PLCB4: variants seen among roughly 807,000 people sequenced by gnomAD.
PLCB4 encodes the protein 1-phosphatidylinositol 4,5-bisphosphate phosphodiesterase beta-4.
PLCB4 carries 77 observed loss-of-function variants against 178.8 expected under a neutral mutation model. That is an observed-to-expected ratio of 0.43 (90% CI 0.36 to 0.52). PLCB4 has a LOEUF of 0.52. PLCB4 is among the 20% of genes least tolerant of loss of function. The probability of loss-of-function intolerance (pLI) is 0.00; values close to 1 mark genes in which losing one functional copy is unlikely to be tolerated. For synonymous variants in PLCB4, 496 were observed against 490.8 expected, an observed-to-expected ratio of 1.01 and a Z score of -0.14; for missense variants, 1,024 against 1,453.4, an observed-to-expected ratio of 0.70 and a Z score of 4.80.
At chr20:9,132,302 G>T (rs907890937) in intron 2 of PLCB4, among the ~76,000 whole-genome samples, 3 of 152,154 alleles carry the variant, frequency 2.0e-5, no homozygotes, top group Admixed American at 2.0e-4. Context: ...GTGTGTGTGT[G>T]TGTGTGGTTG....
chr20:9,070,571 T>A (rs1229350423), intron 1 of PLCB4, among the ~76,000 whole-genome samples: 1 of 152,206 alleles, frequency 6.6e-6, no homozygotes, highest in Non-Finnish European at 1.5e-5. Flanking sequence ...GGTGTATTGA[T>A]CTATTATATC....
chr20:9,448,961 C>A (rs1404170921), intron 32 of PLCB4, among the ~76,000 whole-genome samples: 2 of 152,012 alleles, frequency 1.3e-5, no homozygotes, highest in Non-Finnish European at 2.9e-5. Flanking sequence ...ATGGGGGTAA[C>A]GACCATTTGC....
intron 2 of PLCB4, among the ~76,000 whole-genome samples, chr20:9,204,843 G>A (rs560308873): frequency 6.6e-6 from 1 of 151,818 alleles, no homozygotes; most frequent in Admixed American, 6.6e-5. Flanking sequence ...TGAAATGGGG[G>A]TAATTTGAAT....
chr20:9,446,417 C>T (rs886891067), intron 32 of PLCB4, among the ~76,000 whole-genome samples: 1 of 152,204 alleles, frequency 6.6e-6, no homozygotes, highest in African/African-American at 2.4e-5. Flanking sequence ...TGCTGATTAT[C>T]AGGACTGTGA....
intron 3 of PLCB4, among the ~76,000 whole-genome samples, chr20:9,256,016 AGT>A (rs2094231295): frequency 6.6e-6 from 1 of 152,144 alleles, no homozygotes; most frequent in African/African-American, 2.4e-5. Context: ...AGGGATCAAG[AGT>A]GTGTACCTAA....
At chr20:9,129,148 TCTTCACATCCCTGCTTTGGTACTTAG>T (rs2092208794) in intron 2 of PLCB4, among the ~76,000 whole-genome samples, 1 of 152,174 alleles carries the variant, frequency 6.6e-6, no homozygotes, top group Non-Finnish European at 1.5e-5. Context: ...TGCAAATCTC[TCTTCACATCCCTGCTTTGGTACTTAG>T]CATTTTTATG....
intron 2 of PLCB4, among the ~76,000 whole-genome samples, chr20:9,145,402 G>T (rs2092578764): frequency 6.6e-6 from 1 of 151,940 alleles, no homozygotes; most frequent in African/African-American, 2.4e-5. Flanking sequence ...TTTATTCTGG[G>T]TGTGTTTTAT....
intron 3 of PLCB4, among the ~76,000 whole-genome samples, chr20:9,276,550 G>T (rs775888805): frequency 6.6e-6 from 1 of 151,952 alleles, no homozygotes; most frequent in African/African-American, 2.4e-5. Context: ...TGTGAGAGGG[G>T]GTTATTTATT....
intron 25 of PLCB4, among the ~76,000 whole-genome samples, chr20:9,413,807 C>T (rs985128331): frequency 3.3e-5 from 5 of 152,176 alleles, no homozygotes; most frequent in Admixed American, 6.5e-5. Context: ...GTCACCCAGG[C>T]TCAAGTGCAG....
chr20:9,374,746 T>C (rs2148316080), intron 12 of PLCB4, among the ~76,000 whole-genome samples: 1 of 152,286 alleles, frequency 6.6e-6, no homozygotes, highest in East Asian at 1.9e-4. Context: ...TGCATTTCCT[T>C]TTATGGGTTG....
intron 3 of PLCB4, among the ~76,000 whole-genome samples, chr20:9,292,887 T>G (rs1335854527): frequency 6.6e-6 from 1 of 152,126 alleles, no homozygotes; most frequent in East Asian, 1.9e-4. Flanking sequence ...GAGACTAGCC[T>G]GGCCAACATG....
intron 35 of PLCB4, 110 bp downstream of exon 35, chr20:9,459,920 A>G (rs957927980): frequency 4.8e-5 from 33 of 680,666 alleles, no homozygotes; most frequent in African/African-American, 1.3e-4. Flanking sequence ...GACGTACAAC[A>G]TGTAGCTCTT....
At chr20:9,463,593 C>CGA (rs1369142323) in intron 35 of PLCB4, among the ~76,000 whole-genome samples, 1 of 49,696 alleles carries the variant, frequency 2.0e-5, no homozygotes, top group African/African-American at 8.1e-5. Flanking sequence ...AAATGGAAAG[C>CGA]AAAAAAAAAA....
intron 2 of PLCB4, among the ~76,000 whole-genome samples, chr20:9,140,597 C>T (rs143622211): frequency 2.5e-4 from 38 of 151,944 alleles, no homozygotes; most frequent in East Asian, 1.9e-3. Flanking sequence ...ATGACTGTCT[C>T]GGTGCCCTCC....
chr20:9,363,500 A>C (rs17389994), intron 8 of PLCB4, among the ~76,000 whole-genome samples: 7,599 of 152,300 alleles, frequency 0.05, 264 homozygotes, highest in Non-Finnish European at 0.076. Flanking sequence ...AGTTATTTAA[A>C]GATTTGATCA....
chr20:9,316,605 G>A (rs1449035365), intron 4 of PLCB4, among the ~76,000 whole-genome samples: 5 of 152,166 alleles, frequency 3.3e-5, no homozygotes, highest in Admixed American at 1.3e-4. Context: ...ATGTTAAGGT[G>A]GATGGGTCGA....
chr20:9,141,607 A>G (rs2092492223), intron 2 of PLCB4, among the ~76,000 whole-genome samples: 1 of 152,138 alleles, frequency 6.6e-6, no homozygotes. Flanking sequence ...TTAATGCTGT[A>G]AATATGTACT....
rs568841541 is a variant in PLCB4 at position 9,302,301 on chromosome 20, C to T, written c.-15-5499C>T. 2.0e-5 allele frequency among the ~76,000 whole-genome samples: 3 copies of T among 152,198 alleles called. No homozygotes were observed. The East Asian group carries it at 5.8e-4, about 29-fold the overall frequency. ...GTAACTGTCCCTTTAACATTCTCTG[C>T]AGTCACTGGGACTATAATGTGTACC... On this transcript the variant is annotated intron_variant, in intron 3 of 39. Transcript: ENST00000378473.
intron 2 of PLCB4, among the ~76,000 whole-genome samples, chr20:9,192,469 T>C (rs2093417057): frequency 6.6e-6 from 1 of 151,948 alleles, no homozygotes. Context: ...CTCAGAAAGG[T>C]CCTGCCTGTG....
Sources: allele counts gnomAD v4.1 joint callset (sites outside exome capture counted in the v4.1 genomes callset), GRCh38; gene constraint gnomAD v4.1.1; transcripts MANE v1.5; gene names NCBI Gene and HGNC (gene_info 2026-07-23, HGNC 2026-07-21).